Variants in HOXC5 observed in about 807,000 individuals in gnomAD.
HOXC5 encodes homeobox protein Hox-C5.
Under a neutral mutation model 20.1 loss-of-function variants are expected in HOXC5, and 19 were observed. That is an observed-to-expected ratio of 0.94 (90% CI 0.66 to 1.38). The LOEUF is 1.38. Among genes scored for constraint, HOXC5 ranks in the 40% most tolerant of loss-of-function variants. The pLI, the probability that HOXC5 is intolerant of heterozygous loss-of-function variation, is 0.00. For synonymous variants in HOXC5, 124 were observed against 117.0 expected, an observed-to-expected ratio of 1.06 and a Z score of -0.39; for missense variants, 330 against 300.1, an observed-to-expected ratio of 1.10 and a Z score of -0.74.
Position 54,034,260 on chromosome 12 carries a change from GTGGGGTT to G in HOXC5, c.455-16_455-10del, listed in dbSNP as rs767750193. On this transcript the variant is annotated splice_polypyrimidine_tract_variant and intron_variant, in intron 1 of 1. Coordinates refer to ENST00000312492, the MANE Select transcript of HOXC5 (RefSeq NM_018953.4). Reference sequence around the variant, plus strand: ...GCTATTCACCCCTTCCTGGCTTGGGGTGGGGTTTATGTTCCAGAGACGGACGGCAAGC... The same window carrying G: ...GCTATTCACCCCTTCCTGGCTTGGGGTATGTTCCAGAGACGGACGGCAAGC... The G allele has an allele frequency of 3.1e-6, 5 of 1,606,738 alleles. No individual in the cohort carries two copies. The highest frequency in any genetic ancestry group is 4.3e-6 in the Non-Finnish European group (5 of 1,175,090).
the HOXC5 span, among the ~76,000 whole-genome samples, chr12:54,026,215 G>A: frequency 6.6e-6 from 1 of 152,118 alleles, no homozygotes; most frequent in Non-Finnish European, 1.5e-5. Flanking sequence ...CTCTGAGAGA[G>A]GCTACTTGTG....
chr12:54,026,946 C>CA, the HOXC5 span, among the ~76,000 whole-genome samples: 3 of 137,844 alleles, frequency 2.2e-5, no homozygotes, highest in South Asian at 6.8e-4. Flanking sequence ...TCCCCCCCCC[C>CA]AACCCACCCA....
At chr12:54,017,587 G>T in the HOXC5 span, among the ~76,000 whole-genome samples, 1 of 151,846 alleles carries the variant, frequency 6.6e-6, no homozygotes, top group Non-Finnish European at 1.5e-5. Context: ...GGTTAAACTG[G>T]AATACCGGTA....
chr12:54,034,324 T>C lies in HOXC5; in HGVS notation c.501T>C (p.Thr167=), dbSNP rs572676034. The change falls in exon 2 of 2, where the codon ACT becomes ACC. Residue 167 remains threonine, a synonymous_variant. Transcript: ENST00000312492. ...GAACCAGTTACACGCGCTACCAGAC[T>C]CTGGAACTCGAGAAAGAATTCCACT... ...RSRTSYTRYQ[T]LELEKEFHFN... 1.9e-6 allele frequency: 3 copies of C among 1,614,184 alleles called. No homozygotes were observed. The South Asian group carries it at 3.3e-5, about 18-fold the overall frequency.
rs1196024348 is a variant in HOXC5 at position 54,034,372 on chromosome 12, C to T, written c.549C>T (p.Arg183=). 1 of 1,614,136 alleles carries T rather than the reference C, an allele frequency of 6.2e-7. No individual in the cohort carries two copies. The highest frequency in any genetic ancestry group is 1.7e-5 in the Admixed American group (1 of 60,034). Residue 183 remains arginine, a synonymous_variant, in exon 2 of 2, where the codon CGC becomes CGT. Coordinates refer to ENST00000312492, the MANE Select transcript of HOXC5 (RefSeq NM_018953.4). ...EFHFNRYLTR[R]RRIEIANNLC... is the part of the protein sequence containing the mutation. ...ACTTTAACCGCTACCTCACTCGCCG[C>T]AGGCGCATAGAGATCGCCAACAACT...
the HOXC5 span, among the ~76,000 whole-genome samples, chr12:54,025,510 C>T: frequency 7.9e-6 from 1 of 126,636 alleles, no homozygotes; most frequent in African/African-American, 3.0e-5. Context: ...CTTCTTTCCT[C>T]AGGAATGAAA....
In HOXC5 at chr12:54,033,068, C is replaced by T; in HGVS notation, c.-55C>T. ...AAAAAACCCCTCAACTTCAAAGAGTCACAAATCACCCTTAATCAAAAAGGG... is the reference window on the plus strand; with the variant it reads ...AAAAAACCCCTCAACTTCAAAGAGTTACAAATCACCCTTAATCAAAAAGGG... On this transcript the variant is annotated 5_prime_UTR_variant, in exon 1 of 2. Transcript: ENST00000312492. 1 of 1,452,354 alleles carries T rather than the reference C, an allele frequency of 6.9e-7. No homozygotes were observed. The highest frequency in any genetic ancestry group is 9.5e-7 in the Non-Finnish European group (1 of 1,055,260). 90.0% of individuals were successfully genotyped at this position (1,452,354 alleles called of 1,614,324 possible).
At chr12:54,024,689 G>A in the HOXC5 span, among the ~76,000 whole-genome samples, 5 of 151,350 alleles carry the variant, frequency 3.3e-5, no homozygotes, top group African/African-American at 7.3e-5. Flanking sequence ...CCAGTTCAGA[G>A]CTCACATGCC....
At chr12:54,020,152 C>T in the HOXC5 span, 1 of 152,386 alleles carries the variant, frequency 6.6e-6, no homozygotes, top group Middle Eastern at 3.4e-3. Context: ...TCCCTGCTGA[C>T]GTGGTCCTTC....
the HOXC5 span, among the ~76,000 whole-genome samples, chr12:54,025,540 G>C: frequency 0.29 from 5,124 of 17,422 alleles, 406 homozygotes; most frequent in African/African-American, 0.4. Context: ...GGGGGGGGGA[G>C]GTGTTGAAAA....
chr12:54,017,359 G>T, the HOXC5 span: 1 of 152,248 alleles, frequency 6.6e-6, no homozygotes, highest in Non-Finnish European at 1.5e-5. Flanking sequence ...AGACGAGAAA[G>T]AGAGTGGGAG....
the HOXC5 span, chr12:54,016,963 T>A: frequency 6.6e-6 from 1 of 151,950 alleles, no homozygotes; most frequent in Non-Finnish European, 1.5e-5. Flanking sequence ...ATTAGCAGTA[T>A]TTTTTTTAAA....
upstream of HOXC5, chr12:54,029,567 T>G (rs1271351001): frequency 7.2e-7 from 1 of 1,392,828 alleles, no homozygotes; most frequent in Non-Finnish European, 9.9e-7. Flanking sequence ...CTGGCCAGGT[T>G]GGGAGGGTCA....
At chr12:54,025,534 GGGGGA>G in the HOXC5 span, among the ~76,000 whole-genome samples, 421 of 51,116 alleles carry the variant, frequency 8.2e-3, 7 homozygotes, top group East Asian at 0.068. Context: ...AATTGGGGGG[GGGGGA>G]GGTGTTGAAA....
the HOXC5 span, among the ~76,000 whole-genome samples, chr12:54,018,675 A>G: frequency 1.3e-5 from 2 of 152,202 alleles, no homozygotes; most frequent in African/African-American, 4.8e-5. Context: ...CGAGGCTCCG[A>G]GGCGGCCCCA....
chr12:54,029,874 C>G (rs976893207), upstream of HOXC5: 1 of 1,612,362 alleles, frequency 6.2e-7, no homozygotes, highest in African/African-American at 1.3e-5. Context: ...TCCACTCTCT[C>G]GGGGGGCGGC....
chr12:54,031,959 C>G (rs968131387), upstream of HOXC5, among the ~76,000 whole-genome samples: 1 of 152,196 alleles, frequency 6.6e-6, no homozygotes, highest in Non-Finnish European at 1.5e-5. Context: ...GCCCAGAGAC[C>G]TTTTCCCCAA....
At chr12:54,033,042 CA>C (rs369424089), upstream of HOXC5, 5 of 1,205,758 alleles carry the variant, frequency 4.1e-6, no homozygotes, top group Non-Finnish European at 3.5e-6. Context: ...CTTTGGAGAA[CA>C]AAAAACCCCT....
At chr12:54,023,697 T>C in the HOXC5 span, among the ~76,000 whole-genome samples, 2 of 152,196 alleles carry the variant, frequency 1.3e-5, no homozygotes, top group African/African-American at 4.8e-5. Context: ...CCCCAAATGA[T>C]ATCCATTTCT....
Sources: allele counts gnomAD v4.1 joint callset (sites outside exome capture counted in the v4.1 genomes callset), GRCh38; gene constraint gnomAD v4.1.1; transcripts MANE v1.5; gene names NCBI Gene and HGNC (gene_info 2026-07-23, HGNC 2026-07-21).